MMEL1: variants seen among roughly 807,000 people sequenced by gnomAD.
The protein encoded by MMEL1 is membrane metallo-endopeptidase-like 1.
MMEL1 carries 98 observed loss-of-function variants against 117.1 expected under a neutral mutation model. The observed-to-expected ratio is 0.84, with a 90% CI of 0.71 to 0.99. MMEL1 has a LOEUF of 0.99. MMEL1 is among the 50% of genes least tolerant of loss of function. The pLI is 0.00. For synonymous variants in MMEL1, 390 were observed against 415.1 expected, an observed-to-expected ratio of 0.94 and a Z score of 0.74; for missense variants, 1,014 against 1,049.1, an observed-to-expected ratio of 0.97 and a Z score of 0.46.
chr1:2,615,266 C>T (rs1645184624), intron 2 of MMEL1, among the ~76,000 whole-genome samples: 2 of 152,154 alleles, frequency 1.3e-5, no homozygotes, highest in South Asian at 2.1e-4. Context: ...CAGACACTAC[C>T]TCCAGCCAGG....
rs1053463805 is a variant in MMEL1 at position 2,594,261 on chromosome 1, A to G, written c.1747+124T>C. On this transcript the variant is annotated intron_variant, in intron 18 of 23. Coordinates refer to ENST00000378412, the MANE Select transcript of MMEL1 (RefSeq NM_033467.4). ...CCACGGGGGCAGCAAGGGGTGACAT[A>G]GGAGAATGTTCCAAGAACAGGCTGG... 1.6e-5 allele frequency: 17 copies of G among 1,085,384 alleles called. 1 individual carries two copies. The highest frequency in any genetic ancestry group is 2.3e-5 in the Non-Finnish European group (17 of 726,354). The allele number at this position is 1,085,384 out of a possible 1,614,324, so 67.2% of individuals were successfully genotyped here. A position where few individuals can be genotyped will look rare whatever the true frequency, so the allele number is the denominator to read the frequency against.
At chr1:2,591,759 C>G in intron 22 of MMEL1, 126 bp from the exon 23 acceptor site, 1 of 1,039,882 alleles carries the variant, frequency 9.6e-7, no homozygotes, top group East Asian at 2.4e-5. Context: ...GCAGGTGCTC[C>G]CCTCCTCCCA....
intron 5 of MMEL1, 82 bp downstream of exon 5, chr1:2,609,588 G>A (rs1021143406): frequency 1.9e-5 from 30 of 1,548,780 alleles, no homozygotes; most frequent in African/African-American, 2.7e-5. Flanking sequence ...AAACAGGGGC[G>A]AGACACAGCC....
chr1:2,604,289 A>G lies in MMEL1; in HGVS notation c.817-8T>C, dbSNP rs1230847544. On this transcript the variant is annotated splice_region_variant and splice_polypyrimidine_tract_variant and intron_variant, in intron 9 of 23. Coordinates refer to ENST00000378412, the MANE Select transcript of MMEL1 (RefSeq NM_033467.4). ...CAGGTAGGCTTCCCGCACCTGGGCC[A>G]AAGGACGCCGGGCAGAGCTGGGTGG... The G allele has an allele frequency of 6.2e-7, 1 of 1,612,228 alleles. No individual in the cohort carries two copies.
chr1:2,592,378 ACCCCCTCCCCTGCC>A lies in MMEL1; in HGVS notation c.2067+263_2067+276del, dbSNP rs1557516385. 1.7e-3 allele frequency among the ~76,000 whole-genome samples: 39 copies of A among 22,822 alleles called. 2 individuals are homozygous for A. Among genetic ancestry groups the A allele is most frequent in the Admixed American group, 4.3e-3 (6 of 1,384 alleles). 15.0% of individuals were successfully genotyped at this position (22,822 alleles called of 152,430 possible). A position where few individuals can be genotyped will look rare whatever the true frequency, so the allele number is the denominator to read the frequency against. Reference sequence around the variant, plus strand: ...ACGCCCCCTCCCCTGCTGTGCTGGCACCCCCTCCCCTGCCGCGCTGATGCCCCCTCCCCTGATGC... The same window carrying A: ...ACGCCCCCTCCCCTGCTGTGCTGGCAGCGCTGATGCCCCCTCCCCTGATGC... On this transcript the variant is annotated intron_variant, in intron 21 of 23. Coordinates refer to ENST00000378412, the MANE Select transcript of MMEL1 (RefSeq NM_033467.4).
rs1233868175 is a variant in MMEL1 at position 2,604,188 on chromosome 1, C to T, written c.910G>A (p.Asp304Asn). The T allele has an allele frequency of 1.2e-6, 2 of 1,600,164 alleles. No individual in the cohort carries two copies. The highest frequency in any genetic ancestry group is 1.7e-6 in the Non-Finnish European group (2 of 1,173,024). The part of the protein sequence containing the change: ...LPRDSCLVQE[D>N]MVQVLELETQ... Reference sequence around the variant, plus strand: ...TCCAGCTCCAGCACCTGCACCATGTCCTCCTGCACCAGGCAGCTGTCCCTG... The same window carrying T: ...TCCAGCTCCAGCACCTGCACCATGTTCTCCTGCACCAGGCAGCTGTCCCTG... The change falls in exon 10 of 24, where the codon GAC (aspartate) becomes AAC (asparagine). Residue 304 changes from aspartate (D) to asparagine (N), a missense_variant. Transcript: ENST00000378412.
At chr1:2,631,284 T>C (rs1557567137) in intron 1 of MMEL1, among the ~76,000 whole-genome samples, 1 of 152,138 alleles carries the variant, frequency 6.6e-6, no homozygotes. Flanking sequence ...GGGCGGATAA[T>C]GTGGGAGCAG....
intron 19 of MMEL1, among the ~76,000 whole-genome samples, chr1:2,593,362 G>T (rs1310376784): frequency 6.6e-6 from 1 of 152,212 alleles, no homozygotes; most frequent in Admixed American, 6.5e-5. Context: ...AGCCACAGGG[G>T]AAAACCAGCT....
chr1:2,618,775 A>G (rs965330753), intron 2 of MMEL1, among the ~76,000 whole-genome samples: 1 of 152,244 alleles, frequency 6.6e-6, no homozygotes, highest in African/African-American at 2.4e-5. Context: ...GATAAAAGCC[A>G]ATTTGAATAT....
In MMEL1 at chr1:2,591,924, GC is replaced by G. The variant is rs1644724045; in HGVS notation, c.2163+7del. The G allele has an allele frequency of 6.2e-7, 1 of 1,612,218 alleles. No individual in the cohort carries two copies. Among genetic ancestry groups the G allele is most frequent in the Non-Finnish European group, 8.5e-7 (1 of 1,178,926 alleles). ...TGGGGATGGTGGGACCAGGACTGCG[GC>G]TGCCACCTGGGCATAGTTGATGAAG... is the stretch of plus-strand genomic sequence containing the variant. On this transcript the variant is annotated splice_region_variant and intron_variant, in intron 22 of 23. Transcript: ENST00000378412.
In MMEL1 at chr1:2,593,100, G is replaced by A; in HGVS notation, c.1868-134C>T. The A allele has an allele frequency of 6.9e-6, 8 of 1,161,108 alleles. No homozygotes were observed. In the South Asian group the frequency reaches 1.1e-4, roughly 17 times the overall value. 71.9% of individuals were successfully genotyped at this position (1,161,108 alleles called of 1,614,324 possible). A position where few individuals can be genotyped will look rare whatever the true frequency, so the allele number is the denominator to read the frequency against. ...GTACGGAGAGCCCACAGTCTGAGTA[G>A]GCTGAGCCTGGAAGAGCATCGCGGG... On this transcript the variant is annotated intron_variant, in intron 19 of 23. Coordinates refer to ENST00000378412, the MANE Select transcript of MMEL1 (RefSeq NM_033467.4).
chr1:2,622,053 G>C (rs149330048), intron 2 of MMEL1, among the ~76,000 whole-genome samples: 31 of 152,236 alleles, frequency 2.0e-4, no homozygotes, highest in African/African-American at 6.3e-4. Context: ...ATTGACAAGA[G>C]GGTCTGATTC....
intron 11 of MMEL1, among the ~76,000 whole-genome samples, chr1:2,603,473 G>A (rs1190029471): frequency 1.3e-5 from 2 of 152,178 alleles, no homozygotes; most frequent in African/African-American, 4.8e-5. Context: ...TGGCCAGGGG[G>A]AACTGCTACC....
chr1:2,629,220 C>T, intron 2 of MMEL1, 111 bp downstream of exon 2: 1 of 1,224,472 alleles, frequency 8.2e-7, no homozygotes, highest in Non-Finnish European at 1.1e-6. Context: ...CCACCTGCCC[C>T]ATCTGACGGG....
At chr1:2,629,731 G>T in intron 1 of MMEL1, 1 of 467,808 alleles carries the variant, frequency 2.1e-6, no homozygotes. Flanking sequence ...GTGCATGGAG[G>T]TTCTAGGACT....
Position 2,629,420 on chromosome 1 carries a change from G to A in MMEL1, c.65C>T (p.Pro22Leu), listed in dbSNP as rs760779285. Reference sequence around the variant, plus strand: ...CAGCAGCCCCCCCTCCAGGAACCCCGGGCGCTTCTGCCCTGCACGGCCGGC... The same window carrying A: ...CAGCAGCCCCCCCTCCAGGAACCCCAGGCGCTTCTGCCCTGCACGGCCGGC... The part of the protein sequence containing the change: ...ESAGRAGQKR[P>L]GFLEGGLLLL... The change falls in exon 2 of 24, where the codon CCG (proline) becomes CTG (leucine). Residue 22 changes from proline (P) to leucine (L), a missense_variant. Pro to Leu is a moderately conservative substitution (Grantham distance 98). Coordinates refer to ENST00000378412, the MANE Select transcript of MMEL1 (RefSeq NM_033467.4). 30 of 1,545,420 alleles carry A rather than the reference G, an allele frequency of 1.9e-5. No individual in the cohort carries two copies. In the Admixed American group the frequency reaches 4.7e-4, roughly 24 times the overall value.
At position 2,629,344 on chromosome 1, in the gene MMEL1, G is replaced by A. The variant is rs1463923833; in HGVS notation, c.141C>T (p.Tyr47=). 3 of 1,540,908 alleles carry A rather than the reference G, an allele frequency of 1.9e-6. No homozygotes were observed. The highest frequency in any genetic ancestry group is 1.4e-5 in the African/African-American group (1 of 72,592). The stretch of plus-strand genomic sequence containing the variant: ...ACCCGCACTCACCTCTGCGGTCGGC[G>A]TAGAGGACACCCAAGGCCACCAGGG... ...TAALVALGVL[Y]ADRRGKQLPR... Residue 47 remains tyrosine (Y), a synonymous_variant, in exon 2 of 24, where the codon TAC becomes TAT. Transcript: ENST00000378412.
At chr1:2,609,870 CAGAG>C (rs1557543870) in intron 4 of MMEL1, 39 bp from the exon 5 acceptor site, 1 of 1,575,168 alleles carries the variant, frequency 6.3e-7, no homozygotes, top group East Asian at 2.2e-5. Context: ...AGAGGGGAGA[CAGAG>C]AGAGTTGTGG....
chr1:2,610,117 T>C lies in MMEL1; in HGVS notation c.293-286A>G, dbSNP rs12047991. Among the ~76,000 whole-genome samples the C allele has an allele frequency of 1.6e-3, 242 of 152,258 alleles. 3 individuals are homozygous for C. In the East Asian group the frequency reaches 0.035, roughly 22 times the overall value. On this transcript the variant is annotated intron_variant, in intron 4 of 23. Coordinates refer to ENST00000378412, the MANE Select transcript of MMEL1 (RefSeq NM_033467.4). ...GTGCAGTGGCGTGATCACAGCTCAC[T>C]GCAGCCTTGAACTCCTGGGCTTAAG...
Sources: allele counts gnomAD v4.1 joint callset (sites outside exome capture counted in the v4.1 genomes callset), GRCh38; gene constraint gnomAD v4.1.1; transcripts MANE v1.5; gene names NCBI Gene and HGNC (gene_info 2026-07-23, HGNC 2026-07-21).